The following DGKB variants were observed in gnomAD, a reference collection of about 807,000 sequenced individuals.
DGKB encodes diacylglycerol kinase beta.
A neutral mutation model predicts 114.3 loss-of-function variants in DGKB; 67 were observed. That is an observed-to-expected ratio of 0.59 (90% CI 0.48 to 0.72). DGKB has a LOEUF of 0.72. DGKB is among the 30% of genes least tolerant of loss of function. DGKB has a pLI of 0.00. For missense variants in DGKB, 907 were observed against 975.2 expected (o/e 0.93, Z 0.93); for synonymous variants, 398 against 323.1 (o/e 1.23, Z -2.49).
chr7:14,732,676 A>G (rs529382377), intron 5 of DGKB, among the ~76,000 whole-genome samples: 2 of 152,294 alleles, frequency 1.3e-5, no homozygotes, highest in African/African-American at 4.8e-5. Context: ...CTGCATGAGG[A>G]CTACATAGCC....
At chr7:14,768,302 T>A (rs1270214876) in intron 2 of DGKB, among the ~76,000 whole-genome samples, 1 of 151,974 alleles carries the variant, frequency 6.6e-6, no homozygotes, top group Non-Finnish European at 1.5e-5. Flanking sequence ...TAATTAAATG[T>A]AGTTGAAGAA....
intron 8 of DGKB, among the ~76,000 whole-genome samples, chr7:14,695,385 G>T (rs1249993580): frequency 6.6e-6 from 1 of 151,214 alleles, no homozygotes; most frequent in East Asian, 2.0e-4. Flanking sequence ...AAATAAGATT[G>T]AACTGAGTGT....
chr7:14,543,465 AAAAG>A (rs1025420751), intron 20 of DGKB, among the ~76,000 whole-genome samples: 33 of 152,190 alleles, frequency 2.2e-4, no homozygotes, highest in African/African-American at 6.5e-4. Context: ...AAAACAAAAA[AAAAG>A]AAAGAAAGAC....
intron 25 of DGKB, among the ~76,000 whole-genome samples, chr7:14,159,936 G>A (rs1783612487): frequency 6.6e-6 from 1 of 152,126 alleles, no homozygotes; most frequent in African/African-American, 2.4e-5. Flanking sequence ...GCCTCTTAGA[G>A]TGCTGGAATT....
At chr7:14,684,043 G>A (rs1349879183) in intron 10 of DGKB, among the ~76,000 whole-genome samples, 1 of 151,972 alleles carries the variant, frequency 6.6e-6, no homozygotes, top group Non-Finnish European at 1.5e-5. Context: ...TACTTCCTTT[G>A]TATAGGGAGA....
chr7:14,867,693 T>C (rs1350649638), intron 1 of DGKB, among the ~76,000 whole-genome samples: 1 of 152,200 alleles, frequency 6.6e-6, no homozygotes, highest in African/African-American at 2.4e-5. Flanking sequence ...AATCATATTT[T>C]CATTTTAATA....
At chr7:14,253,833 G>A (rs1795588093) in intron 23 of DGKB, among the ~76,000 whole-genome samples, 1 of 152,118 alleles carries the variant, frequency 6.6e-6, no homozygotes, top group African/African-American at 2.4e-5. Flanking sequence ...TACAGTATGT[G>A]CCTTTGGTTT....
At chr7:14,247,350 A>C (rs893396977) in intron 23 of DGKB, among the ~76,000 whole-genome samples, 2 of 152,052 alleles carry the variant, frequency 1.3e-5, no homozygotes, top group Non-Finnish European at 2.9e-5. Context: ...CATTGAGCTC[A>C]TTTTCTTATA....
intron 1 of DGKB, among the ~76,000 whole-genome samples, chr7:14,953,858 G>A (rs1786344394): frequency 6.6e-6 from 1 of 152,080 alleles, no homozygotes; most frequent in South Asian, 2.1e-4. Context: ...AGGCTAAGAA[G>A]TGTTTATGAG....
At chr7:14,708,282 G>C (rs1253866957) in intron 6 of DGKB, among the ~76,000 whole-genome samples, 3 of 113,192 alleles carry the variant, frequency 2.7e-5, no homozygotes, top group Non-Finnish European at 5.2e-5. Context: ...TCTTCAAGGA[G>C]AACTACAAAC....
chr7:14,910,292 A>C (rs998611330), intron 1 of DGKB, among the ~76,000 whole-genome samples: 1 of 147,878 alleles, frequency 6.8e-6, no homozygotes, highest in Admixed American at 6.8e-5. Context: ...GAAAGAAAGA[A>C]AGAAAGAAAG....
At chr7:14,262,325 A>G (rs1796899483) in intron 23 of DGKB, among the ~76,000 whole-genome samples, 1 of 152,164 alleles carries the variant, frequency 6.6e-6, no homozygotes, top group African/African-American at 2.4e-5. Context: ...TGCCTTTAGG[A>G]GGTAATTAGG....
intron 23 of DGKB, among the ~76,000 whole-genome samples, chr7:14,252,185 ATTC>A (rs1483324233): frequency 6.6e-6 from 1 of 151,876 alleles, no homozygotes; most frequent in East Asian, 1.9e-4. Flanking sequence ...CAGGTTTTTT[ATTC>A]TTCTTACCCA....
At chr7:14,645,434 A>T (rs937459795) in intron 13 of DGKB, among the ~76,000 whole-genome samples, 18 of 151,930 alleles carry the variant, frequency 1.2e-4, no homozygotes, top group Admixed American at 1.1e-3. Context: ...GGACAGAAAA[A>T]CCCACTGGGT....
At chr7:14,175,683 T>A (rs1468316104) in intron 25 of DGKB, among the ~76,000 whole-genome samples, 1 of 152,230 alleles carries the variant, frequency 6.6e-6, no homozygotes, top group East Asian at 1.9e-4. Flanking sequence ...GTACTTAGAA[T>A]CAAAATTTAG....
At chr7:14,198,808 G>A (rs987814649) in intron 23 of DGKB, among the ~76,000 whole-genome samples, 2 of 151,988 alleles carry the variant, frequency 1.3e-5, no homozygotes, top group African/African-American at 2.4e-5. Context: ...TACTTTAAAT[G>A]TTGGATTTGG....
intron 25 of DGKB, among the ~76,000 whole-genome samples, chr7:14,157,923 T>G (rs944885162): frequency 1.3e-5 from 2 of 152,216 alleles, no homozygotes; most frequent in African/African-American, 4.8e-5. Flanking sequence ...ACTTGACTTT[T>G]CTTACTGAGT....
intron 22 of DGKB, among the ~76,000 whole-genome samples, chr7:14,341,824 G>A (rs937299796): frequency 5.3e-5 from 8 of 151,838 alleles, no homozygotes; most frequent in Non-Finnish European, 1.2e-4. Context: ...TCAGTTGATA[G>A]GACTATTCAA....
intron 23 of DGKB, among the ~76,000 whole-genome samples, chr7:14,266,277 T>C (rs1797506991): frequency 6.6e-6 from 1 of 152,192 alleles, no homozygotes; most frequent in Non-Finnish European, 1.5e-5. Flanking sequence ...AACTATGACA[T>C]TTTGCATCAT....
Sources: allele counts gnomAD v4.1 joint callset (sites outside exome capture counted in the v4.1 genomes callset), GRCh38; gene constraint gnomAD v4.1.1; transcripts MANE v1.5; gene names NCBI Gene and HGNC (gene_info 2026-07-23, HGNC 2026-07-21).